ALPL: variants seen among roughly 807,000 people sequenced by gnomAD.
ALPL encodes the protein alkaline phosphatase, tissue-nonspecific isozyme.
Under a neutral mutation model 51.3 loss-of-function variants are expected in ALPL, and 42 were observed. That is an observed-to-expected ratio of 0.82 (90% CI 0.64 to 1.06). The LOEUF (loss-of-function observed/expected upper bound fraction) is 1.06, where lower values mean the gene tolerates loss of function less well. Among genes scored for constraint, ALPL ranks in the 50% least tolerant of loss-of-function variants. The probability of loss-of-function intolerance (pLI) is 0.00; values close to 1 mark genes in which losing one functional copy is unlikely to be tolerated. For missense variants in ALPL, 589 were observed against 709.4 expected, an observed-to-expected ratio of 0.83 and a Z score of 1.93; for synonymous variants, 279 against 296.4, an observed-to-expected ratio of 0.94 and a Z score of 0.60.
intron 4 of ALPL, among the ~76,000 whole-genome samples, chr1:21,561,563 A>AC (rs1178753381): frequency 1.1e-4 from 16 of 144,550 alleles, no homozygotes; most frequent in East Asian, 4.1e-4. Flanking sequence ...ATAATTAGAG[A>AC]CCCCCCCAAG....
chr1:21,564,398 G>A lies in ALPL; in HGVS notation c.648+182G>A, dbSNP rs543689443. ...GGCAGGCACTGTGGGATTTCTCTGC[G>A]GTGGGGCTGCGGGGTGAACCCTCAT... On this transcript the variant is annotated intron_variant, in intron 6 of 11. Transcript: ENST00000374840. This position sits in a 1 kb window ranked among gnomAD's most constrained non-coding sequence, Gnocchi z 5.8. 2.0e-5 allele frequency among the ~76,000 whole-genome samples: 3 copies of A among 152,248 alleles called. No homozygotes were observed. In the South Asian group the frequency reaches 6.2e-4, roughly 32 times the overall value.
rs1036945656 is a variant in ALPL at position 21,564,966 on chromosome 1, T to G, written c.648+750T>G. 5.3e-5 allele frequency among the ~76,000 whole-genome samples: 8 copies of G among 152,286 alleles called. No individual in the cohort carries two copies. The highest frequency in any genetic ancestry group is 1.9e-4 in the African/African-American group (8 of 41,558). On this transcript the variant is annotated intron_variant, in intron 6 of 11. Coordinates refer to ENST00000374840, the MANE Select transcript of ALPL (RefSeq NM_000478.6). This position sits in a 1 kb window ranked among gnomAD's most constrained non-coding sequence, Gnocchi z 5.8. ...TCCATGTGACGCTTACTCTCTGTTC[T>G]TAAGTGAGAATGCCCGGCTCGTTCC... is the stretch of plus-strand genomic sequence containing the variant.
intron 1 of ALPL, among the ~76,000 whole-genome samples, chr1:21,519,815 T>C (rs970574374): frequency 1.8e-4 from 27 of 152,068 alleles, no homozygotes; most frequent in Admixed American, 1.6e-3. Context: ...AAAAAGAAGA[T>C]TGAGGCTCAG....
At chr1:21,526,458 C>T (rs569024358) in intron 1 of ALPL, among the ~76,000 whole-genome samples, 1 of 152,058 alleles carries the variant, frequency 6.6e-6, no homozygotes, top group Non-Finnish European at 1.5e-5. Flanking sequence ...TAATTTTTAA[C>T]CTTTTTTGCT....
At chr1:21,559,109 T>G (rs1261763339) in intron 2 of ALPL, among the ~76,000 whole-genome samples, 2 of 151,898 alleles carry the variant, frequency 1.3e-5, no homozygotes, top group African/African-American at 4.8e-5. Context: ...AAGATGAGAA[T>G]TGTGTCCCCA....
At chr1:21,560,446 T>C (rs1457685921) in intron 2 of ALPL, among the ~76,000 whole-genome samples, 180 bp from the exon 3 acceptor site, 1 of 152,180 alleles carries the variant, frequency 6.6e-6, no homozygotes, top group Non-Finnish European at 1.5e-5. Flanking sequence ...CAGGCTTTTC[T>C]GGAGGATCTG....
At chr1:21,575,667 G>GT (rs1644717507) in intron 9 of ALPL, 66 bp from the exon 10 acceptor site, 1 of 1,587,288 alleles carries the variant, frequency 6.3e-7, no homozygotes, top group Non-Finnish European at 8.6e-7. Context: ...CAGCAGTGTT[G>GT]TGGGGCTGGG....
At chr1:21,554,789 C>CGAGT in intron 2 of ALPL, among the ~76,000 whole-genome samples, 1 of 38,554 alleles carries the variant, frequency 2.6e-5, no homozygotes, top group Admixed American at 2.5e-4. Flanking sequence ...CGCGCCTGGC[C>CGAGT]TGTCTGTCTG....
chr1:21,572,490 C>T lies in ALPL; in HGVS notation c.863-1175C>T, dbSNP rs142341472. Among the ~76,000 whole-genome samples the T allele has an allele frequency of 8.5e-5, 13 of 152,226 alleles. No homozygotes were observed. In the East Asian group the frequency reaches 9.7e-4, roughly 11 times the overall value. ...CCTTCGAAATCACACACCATCATTT[C>T]GGTGGCATTCTATGGCATACAAAGG... On this transcript the variant is annotated intron_variant, in intron 8 of 11. Coordinates refer to ENST00000374840, the MANE Select transcript of ALPL (RefSeq NM_000478.6).
In ALPL at chr1:21,561,140, T is replaced by C; in HGVS notation, c.225T>C (p.Gly75=). Reference sequence around the variant, plus strand: ...TGACGGCTGCCCGCATCCTCAAGGGTCAGCTCCACCACAACCCTGGGGAGG... The same window carrying C: ...TGACGGCTGCCCGCATCCTCAAGGGCCAGCTCCACCACAACCCTGGGGAGG... ...STVTAARILK[G]QLHHNPGEET... is the part of the protein sequence containing the mutation. Residue 75 remains glycine, a synonymous_variant, in exon 4 of 12, where the codon GGT becomes GGC. Coordinates refer to ENST00000374840, the MANE Select transcript of ALPL (RefSeq NM_000478.6). 1 of 1,613,370 alleles carries C rather than the reference T, an allele frequency of 6.2e-7. No individual in the cohort carries two copies. The highest frequency in any genetic ancestry group is 8.5e-7 in the Non-Finnish European group (1 of 1,179,786).
chr1:21,571,866 C>T (rs995329112), intron 8 of ALPL, among the ~76,000 whole-genome samples: 1 of 151,874 alleles, frequency 6.6e-6, no homozygotes, highest in African/African-American at 2.4e-5. Flanking sequence ...GTGGCGCACA[C>T]CTTTAGTCCC....
chr1:21,548,669 T>C (rs1307800394), intron 1 of ALPL, among the ~76,000 whole-genome samples: 1 of 152,094 alleles, frequency 6.6e-6, no homozygotes, highest in African/African-American at 2.4e-5. Flanking sequence ...GCAGAGAGAG[T>C]GGGATACGTT....
intron 1 of ALPL, among the ~76,000 whole-genome samples, chr1:21,546,395 G>C (rs1644253809): frequency 6.6e-6 from 1 of 152,160 alleles, no homozygotes; most frequent in Non-Finnish European, 1.5e-5. Flanking sequence ...CAGGAAGTGT[G>C]ATCAGAAAAG....
chr1:21,522,034 G>A (rs564587104), intron 1 of ALPL, among the ~76,000 whole-genome samples: 3 of 151,918 alleles, frequency 2.0e-5, no homozygotes, highest in South Asian at 2.1e-4. Context: ...TGTCGACTCC[G>A]TGAGAGGTAC....
At position 21,570,274 on chromosome 1, in the gene ALPL, C is replaced by T. The variant is rs1256328; in HGVS notation, c.793-31C>T. The T allele has an allele frequency of 0.16, 258,698 of 1,610,114 alleles. 21,467 individuals are homozygous for T. The highest frequency in any genetic ancestry group is 0.21 in the Middle Eastern group (1,242 of 6,058). ...AGTCCTTCCGACTCTCCCTAGCCCC[C>T]GGCATGTGCTGACACAGCCCTTCCT... is the stretch of plus-strand genomic sequence containing the variant. On this transcript the variant is annotated intron_variant, in intron 7 of 11. Transcript: ENST00000374840.
At chr1:21,539,970 CTTG>C (rs770591693) in intron 1 of ALPL, among the ~76,000 whole-genome samples, 2 of 152,174 alleles carry the variant, frequency 1.3e-5, no homozygotes, top group Non-Finnish European at 2.9e-5. Flanking sequence ...CCTTCCTTTT[CTTG>C]TTGTTTGTGA....
At chr1:21,555,377 C>G (rs1293377312) in intron 2 of ALPL, among the ~76,000 whole-genome samples, 1 of 152,168 alleles carries the variant, frequency 6.6e-6, no homozygotes, top group Non-Finnish European at 1.5e-5. Flanking sequence ...GTGCAGGTCA[C>G]AGGGGATATG....
At position 21,554,012 on chromosome 1, in the gene ALPL, G is replaced by GCCC; in HGVS notation, c.-69_-67dup. On this transcript the variant is annotated 5_prime_UTR_variant, in exon 2 of 12. Coordinates refer to ENST00000374840, the MANE Select transcript of ALPL (RefSeq NM_000478.6). ...ATCAGTTAACATCTGACCACTGCCA[G>GCCC]CCCACCCCCTCCCACCCACGTCGAT... is the stretch of plus-strand genomic sequence containing the variant. 21 of 995,180 alleles carry GCCC rather than the reference G, an allele frequency of 2.1e-5. No homozygotes were observed. The highest frequency in any genetic ancestry group is 1.2e-4 in the East Asian group (5 of 40,090). 61.6% of individuals were successfully genotyped at this position (995,180 alleles called of 1,614,324 possible). A position where few individuals can be genotyped will look rare whatever the true frequency, so the allele number is the denominator to read the frequency against.
chr1:21,534,837 G>C (rs566159305), intron 1 of ALPL, among the ~76,000 whole-genome samples: 13 of 152,180 alleles, frequency 8.5e-5, no homozygotes, highest in Non-Finnish European at 1.6e-4. Context: ...TGGGAATCAC[G>C]TTCTGGCCTG....
Sources: allele counts gnomAD v4.1 joint callset (sites outside exome capture counted in the v4.1 genomes callset), GRCh38; gene constraint gnomAD v4.1.1; non-coding constraint Gnocchi (gnomAD v3.1); transcripts MANE v1.5; gene names NCBI Gene and HGNC (gene_info 2026-07-23, HGNC 2026-07-21).